Variants in SEC23A observed in about 807,000 individuals in gnomAD.
SEC23A encodes the protein protein transport protein Sec23A.
SEC23A carries 56 observed loss-of-function variants against 103.7 expected under a neutral mutation model. The ratio of observed to expected loss-of-function variants is 0.54; its 90% CI spans 0.44 to 0.67. The LOEUF (loss-of-function observed/expected upper bound fraction) is 0.67. Among genes scored for constraint, SEC23A ranks in the 30% least tolerant of loss-of-function variants. The pLI is 0.00. For synonymous variants in SEC23A, 281 were observed against 293.0 expected, an observed-to-expected ratio of 0.96 and a Z score of 0.42; for missense variants, 784 against 936.4, an observed-to-expected ratio of 0.84 and a Z score of 2.12.
At chr14:39,095,387 C>T (rs1051026067) in intron 2 of SEC23A, among the ~76,000 whole-genome samples, 10 of 151,980 alleles carry the variant, frequency 6.6e-5, no homozygotes, top group Non-Finnish European at 1.5e-4. Flanking sequence ...ACCTCCATCT[C>T]TCAGGTTCAA....
chr14:39,102,047 C>A (rs1888116667), intron 1 of SEC23A, among the ~76,000 whole-genome samples: 2 of 152,226 alleles, frequency 1.3e-5, no homozygotes, highest in East Asian at 3.9e-4. Context: ...GCCTGGCCAA[C>A]ATGGTGAAAC....
rs760142524 is a variant in SEC23A, at chr14:39,039,035, C to A, written c.2204G>T (p.Gly735Val). ...SQTHNNMYAW[G>V]QESGAPILTD... Reference sequence around the variant, plus strand: ...AGACCTGCTATTTAAACTTACCTGCCCCCAGGCATACATATTATTATGAGT... The same window carrying A: ...AGACCTGCTATTTAAACTTACCTGCACCCAGGCATACATATTATTATGAGT... Residue 735 changes from glycine to valine, a missense_variant, in exon 19 of 20, where the codon GGG (glycine) becomes GTG (valine). Gly to Val is a moderately radical substitution (Grantham distance 109, BLOSUM62 -3). Coordinates refer to ENST00000307712, the MANE Select transcript of SEC23A (RefSeq NM_006364.4). The A allele has an allele frequency of 6.2e-7, 1 of 1,612,346 alleles. No individual in the cohort carries two copies. Among genetic ancestry groups the A allele is most frequent in the Admixed American group, 1.7e-5 (1 of 60,008 alleles).
chr14:39,059,291 A>AAAAAC (rs1886377470), intron 13 of SEC23A, among the ~76,000 whole-genome samples: 1 of 66,986 alleles, frequency 1.5e-5, no homozygotes, highest in East Asian at 3.1e-4. Context: ...AAAAAAAAAA[A>AAAAAC]AAAAAAAAAA....
chr14:39,041,148 A>T (rs1393361971), intron 17 of SEC23A: 1 of 301,354 alleles, frequency 3.3e-6, no homozygotes, highest in African/African-American at 2.2e-5. Flanking sequence ...ATGCTTATCA[A>T]ATGAATGTTA....
intron 1 of SEC23A, among the ~76,000 whole-genome samples, chr14:39,099,218 G>C (rs1418471710): frequency 2.0e-5 from 3 of 149,410 alleles, no homozygotes; most frequent in South Asian, 2.1e-4. Context: ...GAGTGCAGTG[G>C]GGCAATCTCA....
intron 5 of SEC23A, among the ~76,000 whole-genome samples, chr14:39,089,769 C>T (rs1432408364): frequency 1.3e-5 from 2 of 152,170 alleles, no homozygotes; most frequent in African/African-American, 4.8e-5. Flanking sequence ...CCAGCCTGGC[C>T]AACATAGTGA....
chr14:39,067,824 A>G (rs1386421528), intron 9 of SEC23A, among the ~76,000 whole-genome samples: 1 of 151,770 alleles, frequency 6.6e-6, no homozygotes, highest in Admixed American at 6.6e-5. Flanking sequence ...TTGCACCAAC[A>G]CGCCCAGCTA....
intron 4 of SEC23A, among the ~76,000 whole-genome samples, chr14:39,092,114 A>T (rs1311321481): frequency 1.3e-5 from 2 of 152,236 alleles, no homozygotes; most frequent in Non-Finnish European, 2.9e-5. Context: ...TATTACTTCC[A>T]CAGTAAAACA....
At position 39,033,279 on chromosome 14, in the gene SEC23A, A is replaced by G; in HGVS notation, c.2258T>C (p.Met753Thr). Residue 753 changes from methionine (M) to threonine (T), a missense_variant, in exon 20 of 20, where the codon ATG becomes ACG. Physicochemically the swap from Met to Thr is moderately conservative, Grantham distance 81. Around this residue, in one of 2 missense-constraint regions of SEC23A, gnomAD observed 101 missense variants for 162.2 expected, o/e 0.62. Transcript: ENST00000307712. The stretch of plus-strand genomic sequence containing the variant: ...CACAGCAAGTTTCTTCAAGTGATCC[A>G]TAAACACTTGTAAACTAACATCATC... ...LTDDVSLQVFMDHLKKLAVSS... is the reference protein window; with the variant it reads ...LTDDVSLQVFTDHLKKLAVSS... The G allele has an allele frequency of 6.2e-7, 1 of 1,613,650 alleles. No individual in the cohort carries two copies. Among genetic ancestry groups the G allele is most frequent in the Non-Finnish European group, 8.5e-7 (1 of 1,179,584 alleles).
chr14:39,063,486 G>T, intron 11 of SEC23A, 73 bp from the exon 12 acceptor site: 1 of 943,828 alleles, frequency 1.1e-6, no homozygotes, highest in South Asian at 1.6e-5. Context: ...AGTGAAAATG[G>T]AAAAAGACCA....
chr14:39,049,715 C>A (rs1020248484), intron 14 of SEC23A, among the ~76,000 whole-genome samples: 1 of 151,590 alleles, frequency 6.6e-6, no homozygotes, highest in Non-Finnish European at 1.5e-5. Context: ...GAGGTTGAGG[C>A]TACTCTGTAA....
In SEC23A at chr14:39,075,996, G is replaced by A; in HGVS notation, c.926C>T (p.Pro309Leu). Reference sequence around the variant, plus strand: ...GTCAATGTCATGCCACGATCTTATAGGTGTCTTCAACTCATCTCCAACCAC... The same window carrying A: ...GTCAATGTCATGCCACGATCTTATAAGTGTCTTCAACTCATCTCCAACCAC... ...GMVVGDELKT[P>L]IRSWHDIDKD... Residue 309 changes from proline to leucine, a missense_variant, in exon 8 of 20, where the codon CCT (proline) becomes CTT (leucine). By Grantham distance (98) the Pro-to-Leu change is moderately conservative (BLOSUM62 -3). This residue lies in a region of SEC23A where 683 missense variants were observed against 774.2 expected (regional missense o/e 0.88). Transcript: ENST00000307712. 1 of 1,613,690 alleles carries A rather than the reference G, an allele frequency of 6.2e-7. No individual in the cohort carries two copies. Among genetic ancestry groups the A allele is most frequent in the Non-Finnish European group, 8.5e-7 (1 of 1,179,900 alleles).
chr14:39,048,905 T>C (rs1344724151), intron 14 of SEC23A, among the ~76,000 whole-genome samples, 176 bp from the exon 15 acceptor site: 1 of 152,038 alleles, frequency 6.6e-6, no homozygotes, highest in Non-Finnish European at 1.5e-5. Flanking sequence ...AGAAAAAACA[T>C]CTAAATTTCA....
In SEC23A at chr14:39,048,128, C is replaced by G. The variant is rs181727340; in HGVS notation, c.1737+524G>C. 4.5e-3 allele frequency among the ~76,000 whole-genome samples: 692 copies of G among 152,260 alleles called. 7 individuals carry two copies. Among genetic ancestry groups the G allele is most frequent in the African/African-American group, 0.016 (667 of 41,538 alleles). On this transcript the variant is annotated intron_variant, in intron 15 of 19. Coordinates refer to ENST00000307712, the MANE Select transcript of SEC23A (RefSeq NM_006364.4). ...CCCACTGCAGGGTTCCAGAATAAGT[C>G]TCTATTCACCACAAATAAATGACTA...
chr14:39,098,380 T>C (rs1428217311), intron 1 of SEC23A, among the ~76,000 whole-genome samples: 1 of 152,152 alleles, frequency 6.6e-6, no homozygotes, highest in Admixed American at 6.5e-5. Context: ...ACATTTATTA[T>C]ACAGAACATA....
chr14:39,051,833 T>C (rs995684183), intron 14 of SEC23A, among the ~76,000 whole-genome samples: 1 of 151,844 alleles, frequency 6.6e-6, no homozygotes, highest in Non-Finnish European at 1.5e-5. Context: ...CTGGGTGTGG[T>C]GGCACACACC....
At chr14:39,091,445 G>T (rs751082397) in intron 5 of SEC23A, 32 bp downstream of exon 5, 2 of 1,517,668 alleles carry the variant, frequency 1.3e-6, no homozygotes, top group South Asian at 2.2e-5. Flanking sequence ...GTAATTTTCA[G>T]ATAGGTAAAA....
At chr14:39,034,327 C>T (rs572175152) in intron 19 of SEC23A, among the ~76,000 whole-genome samples, 4 of 152,286 alleles carry the variant, frequency 2.6e-5, no homozygotes, top group South Asian at 4.1e-4. Flanking sequence ...ACCTATCTTA[C>T]ACAAGTTGTT....
intron 10 of SEC23A, among the ~76,000 whole-genome samples, chr14:39,065,750 A>G (rs1395273498): frequency 3.3e-5 from 5 of 152,076 alleles, no homozygotes; most frequent in African/African-American, 9.7e-5. Context: ...TGTAATCCCA[A>G]CACTTTGAGA....
Sources: gnomAD v4.1 joint callset for allele counts (sites outside exome capture counted in the v4.1 genomes callset) on GRCh38, gnomAD v4.1.1 for gene constraint, gnomAD v4.1.1 regional missense constraint, MANE v1.5 for transcripts, NCBI Gene and HGNC (gene_info 2026-07-23, HGNC 2026-07-21) for gene names.